Variants in PRTG observed in about 807,000 individuals in gnomAD.
The protein encoded by PRTG is protogenin, also known as immunoglobulin superfamily, DCC subclass, member 5.
PRTG carries 67 observed loss-of-function variants against 122.5 expected under a neutral mutation model. That is an observed-to-expected ratio of 0.55 (90% confidence interval 0.45 to 0.67). The LOEUF is 0.67. PRTG is among the 30% of genes least tolerant of loss of function. PRTG has a pLI of 0.00. For missense variants in PRTG, 1,435 were observed against 1,415.4 expected (o/e 1.01, Z -0.22); for synonymous variants, 554 against 501.1 (o/e 1.11, Z -1.41).
intron 2 of PRTG, among the ~76,000 whole-genome samples, chr15:55,708,363 C>T (rs1254507489): frequency 6.6e-6 from 1 of 152,048 alleles, no homozygotes; most frequent in Non-Finnish European, 1.5e-5. Flanking sequence ...AATCCCAGCA[C>T]TTTGGGAAGC....
chr15:55,648,910 A>G (rs932723843), intron 11 of PRTG, among the ~76,000 whole-genome samples: 2 of 151,868 alleles, frequency 1.3e-5, no homozygotes, highest in African/African-American at 4.8e-5. Context: ...CAGCCTGGCC[A>G]ATATGGTGAA....
intron 7 of PRTG, among the ~76,000 whole-genome samples, chr15:55,678,353 C>A (rs1595642768): frequency 6.6e-6 from 1 of 152,084 alleles, no homozygotes; most frequent in Non-Finnish European, 1.5e-5. Context: ...ATAATCCTCT[C>A]GCCCTCTTGC....
intron 2 of PRTG, among the ~76,000 whole-genome samples, chr15:55,689,201 G>C (rs1313303888): frequency 6.6e-6 from 1 of 152,050 alleles, no homozygotes; most frequent in African/African-American, 2.4e-5. Context: ...CCATTCAAAG[G>C]CTTCTATAGG....
At chr15:55,736,380 C>CTT (rs68147473) in intron 2 of PRTG, among the ~76,000 whole-genome samples, 27 of 147,678 alleles carry the variant, frequency 1.8e-4, no homozygotes, top group African/African-American at 4.9e-4. Context: ...ACTTCCCCAT[C>CTT]TTTTTTTTTT....
intron 2 of PRTG, among the ~76,000 whole-genome samples, chr15:55,709,542 T>C (rs2030297445): frequency 6.6e-6 from 1 of 151,880 alleles, no homozygotes; most frequent in Non-Finnish European, 1.5e-5. Context: ...TCTACCCAAG[T>C]GAAATTAGTT....
intron 11 of PRTG, among the ~76,000 whole-genome samples, chr15:55,659,697 G>C (rs373953618): frequency 7.2e-5 from 11 of 152,118 alleles, no homozygotes; most frequent in Admixed American, 6.6e-5. Context: ...AGGCCGAGGC[G>C]GACGGACTGC....
intron 1 of PRTG, 178 bp downstream of exon 1, chr15:55,742,660 T>C (rs2031650284): frequency 1.4e-6 from 1 of 696,720 alleles, no homozygotes; most frequent in South Asian, 1.9e-5. Context: ...AAGCAACTAG[T>C]GTCTGCAGCT....
intron 11 of PRTG, among the ~76,000 whole-genome samples, chr15:55,659,952 C>CAAAACA (rs746986719): frequency 1.3e-4 from 19 of 151,830 alleles, no homozygotes; most frequent in Non-Finnish European, 2.2e-4. Context: ...CAAAACAAAA[C>CAAAACA]AAAACACCTG....
At chr15:55,638,023 G>A (rs1232186769) in intron 14 of PRTG, among the ~76,000 whole-genome samples, 1 of 152,134 alleles carries the variant, frequency 6.6e-6, no homozygotes, top group Admixed American at 6.6e-5. Flanking sequence ...CAGAAATGAT[G>A]CTTATATAAT....
Position 55,619,485 on chromosome 15 carries a change from A to C in PRTG, c.*527T>G, listed in dbSNP as rs1160732480. On this transcript the variant is annotated 3_prime_UTR_variant, in exon 20 of 20. Transcript: ENST00000389286. ...TGATCACACACATTACACGTACAGC[A>C]ATGAAAACACAATACTACTAGGAAG... is the stretch of plus-strand genomic sequence containing the variant. 1 of 157,834 alleles carries C rather than the reference A, an allele frequency of 6.3e-6. No homozygotes were observed. Among genetic ancestry groups the C allele is most frequent in the Non-Finnish European group, 1.4e-5 (1 of 71,334 alleles). 9.8% of individuals were successfully genotyped at this position (157,834 alleles called of 1,614,324 possible).
intron 2 of PRTG, among the ~76,000 whole-genome samples, chr15:55,735,060 G>A (rs1307349799): frequency 1.3e-5 from 2 of 152,090 alleles, no homozygotes; most frequent in African/African-American, 4.8e-5. Flanking sequence ...TTAAAATGAT[G>A]ATTTTTTTAA....
chr15:55,624,719 A>C (rs1041532776), intron 17 of PRTG, among the ~76,000 whole-genome samples: 1 of 152,184 alleles, frequency 6.6e-6, no homozygotes, highest in Non-Finnish European at 1.5e-5. Flanking sequence ...CTCGCTGTCT[A>C]CTTCATCTAA....
chr15:55,724,792 A>C (rs1173316397), intron 2 of PRTG, among the ~76,000 whole-genome samples: 1 of 152,138 alleles, frequency 6.6e-6, no homozygotes, highest in African/African-American at 2.4e-5. Context: ...AAGAAAACCA[A>C]GTATAAAGCA....
At chr15:55,733,532 A>T (rs1177598142) in intron 2 of PRTG, among the ~76,000 whole-genome samples, 1 of 151,624 alleles carries the variant, frequency 6.6e-6, no homozygotes, top group African/African-American at 2.4e-5. Flanking sequence ...AAAAAAAAAA[A>T]AAAGTAAACG....
intron 16 of PRTG, among the ~76,000 whole-genome samples, chr15:55,627,492 G>GTTTTTTTTTTTTTTTTT (rs35022592): frequency 9.5e-6 from 1 of 104,774 alleles, no homozygotes; most frequent in Non-Finnish European, 1.8e-5. Flanking sequence ...GCCCAGCTAA[G>GTTTTTTTTTTTTTTTTT]TTTTTTTTTT....
At chr15:55,696,826 C>T (rs1390027374) in intron 2 of PRTG, among the ~76,000 whole-genome samples, 3 of 152,016 alleles carry the variant, frequency 2.0e-5, no homozygotes, top group African/African-American at 7.3e-5. Context: ...CAACCAGGTG[C>T]CATGAAATAC....
intron 2 of PRTG, among the ~76,000 whole-genome samples, chr15:55,719,641 T>C (rs186972834): frequency 1.6e-4 from 25 of 152,318 alleles, no homozygotes; most frequent in Admixed American, 8.5e-4. Context: ...TGTAAAAAGG[T>C]ATTATTTTAC....
rs1322069884 is a variant in PRTG, at chr15:55,675,667, C to T, written c.1398G>A (p.Glu466=). ...YMKAEGLNNE[E]YQVVIGNDTT... is the part of the protein sequence containing the mutation. The stretch of plus-strand genomic sequence containing the variant: ...TGTCATTTCCGATGACTACTTGATA[C>T]TCTTCATTATTTAAACCTAAATTAA... The change falls in exon 9 of 20, where the codon GAG becomes GAA. Residue 466 remains glutamate (E), a synonymous_variant. Transcript: ENST00000389286. 3 of 1,569,498 alleles carry T rather than the reference C, an allele frequency of 1.9e-6. No individual in the cohort carries two copies. Among genetic ancestry groups the T allele is most frequent in the South Asian group, 2.2e-5 (2 of 88,964 alleles).
rs35216342 is a variant in PRTG at position 55,708,148 on chromosome 15, T to TAAAAAAAAAAAAAA, written c.398-24231_398-24218dup. On this transcript the variant is annotated intron_variant, in intron 2 of 19. Coordinates refer to ENST00000389286, the MANE Select transcript of PRTG (RefSeq NM_173814.6). ...CCTGTGGAAAGGAGGAGTAAGCTGG[T>TAAAAAAAAAAAAAA]AAAAAAAAAAAAAAAAAAAAAAAAA... Among the ~76,000 whole-genome samples the TAAAAAAAAAAAAAA allele has an allele frequency of 2.1e-4, 15 of 70,026 alleles. 2 individuals carry two copies. The highest frequency in any genetic ancestry group is 6.2e-4 in the African/African-American group (10 of 16,014). The allele number at this position is 70,026 out of a possible 152,430, so 45.9% of individuals were successfully genotyped here. A position where few individuals can be genotyped will look rare whatever the true frequency, so the allele number is the denominator to read the frequency against.
Sources: gnomAD v4.1 joint callset for allele counts (sites outside exome capture counted in the v4.1 genomes callset) on GRCh38, gnomAD v4.1.1 for gene constraint, MANE v1.5 for transcripts, NCBI Gene and HGNC (gene_info 2026-07-23, HGNC 2026-07-21) for gene names.